SMAP1: variants seen among roughly 807,000 people sequenced by gnomAD.
SMAP1 encodes stromal membrane-associated protein 1.
SMAP1 carries 24 observed loss-of-function variants against 58.5 expected under a neutral mutation model. The observed-to-expected ratio is 0.41, with a 90% CI of 0.30 to 0.58. SMAP1 has a LOEUF of 0.58. Ranked by LOEUF, SMAP1 falls within the 20% of genes least tolerant of loss-of-function variation. SMAP1 has a pLI of 0.29. For missense variants in SMAP1, 563 were observed against 566.3 expected (o/e 0.99, Z 0.06); for synonymous variants, 216 against 196.6 (o/e 1.10, Z -0.82).
chr6:70,727,307 C>T (rs907336187), intron 1 of SMAP1, among the ~76,000 whole-genome samples: 6 of 152,124 alleles, frequency 3.9e-5, no homozygotes, highest in African/African-American at 9.7e-5. Flanking sequence ...TGGAGTTTGG[C>T]CATGTTGGCC....
At chr6:70,788,155 A>G (rs1016164999) in intron 4 of SMAP1, among the ~76,000 whole-genome samples, 7 of 151,908 alleles carry the variant, frequency 4.6e-5, no homozygotes, top group Non-Finnish European at 8.8e-5. Context: ...TTGTAGGGAC[A>G]TGGATGAAAC....
Position 70,803,974 on chromosome 6 carries a change from G to A in SMAP1, c.576+5237G>A, listed in dbSNP as rs145093148. 8.7e-3 allele frequency among the ~76,000 whole-genome samples: 1,325 copies of A among 152,278 alleles called. 23 individuals carry two copies. Among genetic ancestry groups the A allele is most frequent in the African/African-American group, 0.03 (1,261 of 41,542 alleles). On this transcript the variant is annotated intron_variant, in intron 6 of 10. Coordinates refer to ENST00000370455, the MANE Select transcript of SMAP1 (RefSeq NM_001044305.3). ...AGAATGTATATTCTGTTGATTTGGG[G>A]TGGAGAGTTCTGTAGATGTCTTATT...
At chr6:70,858,382 A>AATATT in intron 10 of SMAP1, 153 bp downstream of exon 10, 1 of 628,758 alleles carries the variant, frequency 1.6e-6, no homozygotes, top group East Asian at 3.0e-5. Context: ...AGTATCTATA[A>AATATT]ATATTATGAA....
At chr6:70,673,392 A>G (rs1473287223) in intron 1 of SMAP1, among the ~76,000 whole-genome samples, 1 of 152,228 alleles carries the variant, frequency 6.6e-6, no homozygotes, top group Non-Finnish European at 1.5e-5. Context: ...TTCCATGTGC[A>G]GATAATTGGC....
intron 6 of SMAP1, among the ~76,000 whole-genome samples, chr6:70,836,135 A>G (rs1770573315): frequency 6.6e-6 from 1 of 152,130 alleles, no homozygotes; most frequent in South Asian, 2.1e-4. Context: ...AACAGGATGT[A>G]TTAGTCCGTT....
chr6:70,792,432 A>T (rs1430821567), intron 5 of SMAP1, among the ~76,000 whole-genome samples: 17 of 112,698 alleles, frequency 1.5e-4, no homozygotes, highest in Admixed American at 1.5e-3. Flanking sequence ...ATGGTTGGCT[A>T]GATGTGTGGT....
chr6:70,722,812 G>A (rs1426815723), intron 1 of SMAP1, among the ~76,000 whole-genome samples: 4 of 152,234 alleles, frequency 2.6e-5, no homozygotes, highest in East Asian at 1.9e-4. Context: ...GCCTTTAAGC[G>A]GTTTTCCACG....
chr6:70,701,641 A>C (rs894071532), intron 1 of SMAP1, among the ~76,000 whole-genome samples: 4 of 152,132 alleles, frequency 2.6e-5, no homozygotes, highest in Non-Finnish European at 5.9e-5. Flanking sequence ...CATGATTGGC[A>C]GGACAGAGTT....
intron 1 of SMAP1, among the ~76,000 whole-genome samples, chr6:70,708,503 A>G (rs1219555336): frequency 2.0e-5 from 3 of 152,308 alleles, no homozygotes; most frequent in East Asian, 3.9e-4. Flanking sequence ...TGCTTGGCCT[A>G]TGGTAATTTT....
intron 4 of SMAP1, among the ~76,000 whole-genome samples, chr6:70,780,379 C>A (rs568451015): frequency 1.3e-5 from 2 of 152,078 alleles, no homozygotes; most frequent in African/African-American, 4.8e-5. Context: ...AGTTTGAGAC[C>A]AGTTTGGGTA....
intron 2 of SMAP1, among the ~76,000 whole-genome samples, chr6:70,752,390 A>C (rs913617617): frequency 6.6e-6 from 1 of 152,158 alleles, no homozygotes; most frequent in African/African-American, 2.4e-5. Context: ...GACTGATAGA[A>C]TCTTAGGCCT....
intron 6 of SMAP1, among the ~76,000 whole-genome samples, chr6:70,818,398 C>T (rs1769736567): frequency 6.6e-6 from 1 of 151,920 alleles, no homozygotes; most frequent in Admixed American, 6.6e-5. Context: ...AAGGGCAAAA[C>T]TCCATCTCAA....
At chr6:70,761,254 A>G (rs976964580) in intron 3 of SMAP1, among the ~76,000 whole-genome samples, 15 of 152,042 alleles carry the variant, frequency 9.9e-5, no homozygotes, top group Non-Finnish European at 1.8e-4. Context: ...GACAGGGAGA[A>G]TTAGGGGTGC....
chr6:70,754,970 T>A lies in SMAP1; in HGVS notation c.253-10T>A, dbSNP rs1160077311. 3.8e-6 allele frequency: 6 copies of A among 1,589,176 alleles called. No individual in the cohort carries two copies. Among genetic ancestry groups the A allele is most frequent in the South Asian group, 1.1e-5 (1 of 87,372 alleles). On this transcript the variant is annotated splice_polypyrimidine_tract_variant and intron_variant, in intron 2 of 10. Transcript: ENST00000370455. ...TTATGTGAGTAATTAAAAAATTTTT[T>A]TTATTATAGTGCATGCAAGATATGG...
At chr6:70,719,669 G>A (rs758494994) in intron 1 of SMAP1, among the ~76,000 whole-genome samples, 4 of 152,108 alleles carry the variant, frequency 2.6e-5, no homozygotes, top group Admixed American at 6.5e-5. Context: ...TCATATGGTC[G>A]GGGAGGCCTT....
chr6:70,796,119 T>C (rs1013174530), intron 5 of SMAP1, among the ~76,000 whole-genome samples: 65 of 152,284 alleles, frequency 4.3e-4, no homozygotes, highest in African/African-American at 1.5e-3. Flanking sequence ...TTATAATATA[T>C]ATAAAATTTT....
chr6:70,759,820 C>A (rs776893942), intron 3 of SMAP1: 2 of 428,254 alleles, frequency 4.7e-6, no homozygotes, highest in East Asian at 7.1e-5. Context: ...CCTTGACGTT[C>A]GACACAGTGA....
chr6:70,815,784 GT>G (rs1769603486), intron 6 of SMAP1, among the ~76,000 whole-genome samples: 1 of 151,972 alleles, frequency 6.6e-6, no homozygotes, highest in Non-Finnish European at 1.5e-5. Context: ...ATAGACATAT[GT>G]TTATATTTGC....
intron 3 of SMAP1, among the ~76,000 whole-genome samples, chr6:70,765,663 G>A (rs540093925): frequency 6.6e-6 from 1 of 151,926 alleles, no homozygotes; most frequent in Non-Finnish European, 1.5e-5. Context: ...TTTATTTATT[G>A]TGCATTTGTA....
Sources: gnomAD v4.1 joint callset for allele counts (sites outside exome capture counted in the v4.1 genomes callset) on GRCh38, gnomAD v4.1.1 for gene constraint, MANE v1.5 for transcripts, NCBI Gene and HGNC (gene_info 2026-07-23, HGNC 2026-07-21) for gene names.